DLG2: variants seen among roughly 807,000 people sequenced by gnomAD.
DLG2 encodes disks large homolog 2.
A neutral mutation model predicts 132.5 loss-of-function variants in DLG2; 45 were observed. That is an observed-to-expected ratio of 0.34 (90% CI 0.27 to 0.44). The LOEUF is 0.44. Among genes scored for constraint, DLG2 ranks in the 20% least tolerant of loss-of-function variants. The pLI is 1.00. For missense variants in DLG2, 1,045 were observed against 1,196.9 expected (o/e 0.87, Z 1.87); for synonymous variants, 424 against 419.6 (o/e 1.01, Z -0.13).
chr11:85,537,635 A>G (rs1239930556), intron 3 of DLG2, among the ~76,000 whole-genome samples: 1 of 151,628 alleles, frequency 6.6e-6, no homozygotes, highest in Non-Finnish European at 1.5e-5. Flanking sequence ...TGAGGCCAGC[A>G]AGACCACGAA....
intron 6 of DLG2, among the ~76,000 whole-genome samples, chr11:85,088,837 A>G (rs1304655208): frequency 6.6e-6 from 1 of 152,184 alleles, no homozygotes; most frequent in Non-Finnish European, 1.5e-5. Context: ...AATTTCCTCT[A>G]AACACTACCT....
intron 6 of DLG2, among the ~76,000 whole-genome samples, chr11:84,693,967 T>C (rs1467474507): frequency 6.6e-6 from 1 of 151,684 alleles, no homozygotes; most frequent in Non-Finnish European, 1.5e-5. Flanking sequence ...CATGGCGCCA[T>C]GATTAATGCT....
intron 7 of DLG2, among the ~76,000 whole-genome samples, chr11:84,349,867 T>A (rs565721541): frequency 1.0e-3 from 151 of 151,646 alleles, no homozygotes; most frequent in African/African-American, 3.4e-3. Context: ...AGATGAATCT[T>A]TATTCTGGCT....
At chr11:84,773,476 A>G (rs1416289152) in intron 6 of DLG2, among the ~76,000 whole-genome samples, 2 of 152,182 alleles carry the variant, frequency 1.3e-5, no homozygotes, top group Non-Finnish European at 2.9e-5. Context: ...TGAAGAAAGT[A>G]AACTTCAGGC....
intron 19 of DLG2, among the ~76,000 whole-genome samples, chr11:83,578,509 T>A (rs1313893449): frequency 6.6e-6 from 1 of 152,032 alleles, no homozygotes. Flanking sequence ...CTATATAGTG[T>A]TTATAAGAAA....
In DLG2 at chr11:85,021,166, G is replaced by C. The variant is rs150523597; in HGVS notation, c.357+90495C>G. On this transcript the variant is annotated intron_variant, in intron 6 of 27. Transcript: ENST00000376104. ...AGAAGATCCCCGCTGCCCATTCTTA[G>C]AATTGAAGCCAGCTTTTTCCCTTCG... 15 of 911,562 alleles carry C rather than the reference G, an allele frequency of 1.6e-5. No homozygotes were observed. In the East Asian group the frequency reaches 3.6e-4, roughly 22 times the overall value. 56.5% of individuals were successfully genotyped at this position (911,562 alleles called of 1,614,324 possible).
chr11:85,252,572 C>A (rs150304519), intron 4 of DLG2, among the ~76,000 whole-genome samples: 3 of 151,696 alleles, frequency 2.0e-5, no homozygotes, highest in African/African-American at 4.8e-5. Flanking sequence ...GGCAACAGAG[C>A]GAGACTCTGT....
chr11:83,606,785 G>T (rs2059401348), intron 19 of DLG2, among the ~76,000 whole-genome samples: 1 of 152,074 alleles, frequency 6.6e-6, no homozygotes, highest in Admixed American at 6.5e-5. Context: ...AAATTAACCG[G>T]GCATGGTGGC....
At chr11:83,697,356 G>A (rs960444395) in intron 18 of DLG2, among the ~76,000 whole-genome samples, 1 of 152,204 alleles carries the variant, frequency 6.6e-6, no homozygotes, top group Non-Finnish European at 1.5e-5. Context: ...TTTTATGTAA[G>A]AAGTCATGAG....
At chr11:83,951,910 T>C (rs563794589) in intron 14 of DLG2, among the ~76,000 whole-genome samples, 31 of 152,316 alleles carry the variant, frequency 2.0e-4, no homozygotes, top group Non-Finnish European at 3.7e-4. Flanking sequence ...ATGTGGCACA[T>C]TGTGGATGTA....
At chr11:84,906,858 T>C (rs1248601338) in intron 6 of DLG2, among the ~76,000 whole-genome samples, 1 of 152,194 alleles carries the variant, frequency 6.6e-6, no homozygotes, top group Admixed American at 6.5e-5. Flanking sequence ...AAAAAATTCA[T>C]TCCCTTCTTC....
chr11:85,331,341 A>G (rs540566649), intron 3 of DLG2, among the ~76,000 whole-genome samples: 3 of 152,226 alleles, frequency 2.0e-5, no homozygotes, highest in Non-Finnish European at 4.4e-5. Flanking sequence ...ATACAAATGC[A>G]TATTCACTTT....
At chr11:85,352,477 TC>T (rs1275313128) in intron 3 of DLG2, among the ~76,000 whole-genome samples, 1 of 152,226 alleles carries the variant, frequency 6.6e-6, no homozygotes, top group African/African-American at 2.4e-5. Context: ...CTCTTGCTTC[TC>T]AGTTCTTTTA....
At chr11:84,459,814 G>A (rs2099075555) in intron 7 of DLG2, among the ~76,000 whole-genome samples, 1 of 150,372 alleles carries the variant, frequency 6.7e-6, no homozygotes, top group Admixed American at 6.7e-5. Context: ...TTGAGTTTTT[G>A]ACAAAAATAC....
intron 11 of DLG2, among the ~76,000 whole-genome samples, chr11:84,055,829 G>A (rs988591687): frequency 6.6e-5 from 10 of 152,056 alleles, no homozygotes; most frequent in African/African-American, 2.4e-4. Context: ...CTCCTTGAGA[G>A]CAAGAACTAT....
At chr11:85,418,456 G>A (rs2090040075) in intron 3 of DLG2, among the ~76,000 whole-genome samples, 1 of 152,082 alleles carries the variant, frequency 6.6e-6, no homozygotes, top group South Asian at 2.1e-4. Flanking sequence ...TGTCTATTAG[G>A]TCTGCTTGGT....
chr11:83,738,106 T>C (rs2092148018), intron 18 of DLG2, among the ~76,000 whole-genome samples: 2 of 152,130 alleles, frequency 1.3e-5, no homozygotes, highest in African/African-American at 4.8e-5. Flanking sequence ...CTGATCCTTC[T>C]GTGAGAAAAG....
intron 18 of DLG2, 144 bp from the exon 19 acceptor site, chr11:83,633,469 T>C: frequency 1.6e-6 from 1 of 639,248 alleles, no homozygotes; most frequent in South Asian, 1.9e-5. Flanking sequence ...TATGCCTGTT[T>C]CCTATTATTT....
In DLG2 at chr11:84,805,241, C is replaced by G. The variant is rs1000986227; in HGVS notation, c.358-270510G>C. Among the ~76,000 whole-genome samples the G allele has an allele frequency of 8.5e-5, 13 of 152,214 alleles. No individual in the cohort carries two copies. In the South Asian group the frequency reaches 2.5e-3, roughly 29 times the overall value. On this transcript the variant is annotated intron_variant, in intron 6 of 27. Coordinates refer to ENST00000376104, the MANE Select transcript of DLG2 (RefSeq NM_001142699.3). ...GGAGCCATGCCCCCTTGAGTGTCAA[C>G]AGAGACAGCATGGGAAACTGGGAAT... is the stretch of plus-strand genomic sequence containing the variant.
Sources: gnomAD v4.1 joint callset for allele counts (sites outside exome capture counted in the v4.1 genomes callset) on GRCh38, gnomAD v4.1.1 for gene constraint, MANE v1.5 for transcripts, NCBI Gene and HGNC (gene_info 2026-07-23, HGNC 2026-07-21) for gene names.